NCOR2: variants seen among roughly 807,000 people sequenced by gnomAD.
NCOR2 encodes nuclear receptor corepressor 2.
In NCOR2, 81 loss-of-function variants were observed where a neutral mutation model predicts 262.9. That is an observed-to-expected ratio of 0.31 (90% confidence interval 0.26 to 0.37). The LOEUF is 0.37. Ranked by LOEUF, NCOR2 falls within the 10% of genes least tolerant of loss-of-function variation. The pLI, the probability that NCOR2 is intolerant of heterozygous loss-of-function variation, is 1.00. For missense variants in NCOR2, 3,385 were observed against 3,621.4 expected (o/e 0.93, Z 1.68); for synonymous variants, 1,659 against 1,559.3 (o/e 1.06, Z -1.51).
intron 13 of NCOR2, among the ~76,000 whole-genome samples, chr12:124,413,065 C>A (rs2042671670): frequency 6.6e-6 from 1 of 152,248 alleles, no homozygotes; most frequent in Non-Finnish European, 1.5e-5. Context: ...ACCCCCAGCC[C>A]ACAGGCTTCC....
At chr12:124,466,983 C>CTCG (rs2046451019) in intron 4 of NCOR2, among the ~76,000 whole-genome samples, 1 of 145,790 alleles carries the variant, frequency 6.9e-6, no homozygotes, top group African/African-American at 2.5e-5. Context: ...CCCCATCATC[C>CTCG]TCATCCTCAT....
At chr12:124,354,008 G>A in intron 27 of NCOR2, 85 bp downstream of exon 29, 1 of 1,242,180 alleles carries the variant, frequency 8.1e-7, no homozygotes, top group East Asian at 2.5e-5. Flanking sequence ...TGAGGCTAAT[G>A]GTTTGGTGAC....
intron 30 of NCOR2, 51 bp from the exon 33 acceptor site, chr12:124,346,901 C>T: frequency 1.4e-6 from 2 of 1,445,370 alleles, no homozygotes; most frequent in Non-Finnish European, 9.1e-7. Flanking sequence ...CCAGACCCAT[C>T]AAGAGCCTCC....
intron 1 of NCOR2, among the ~76,000 whole-genome samples, chr12:124,532,176 A>C (rs573005257): frequency 6.6e-6 from 1 of 152,224 alleles, no homozygotes; most frequent in African/African-American, 2.4e-5. Flanking sequence ...TAGTGCACGC[A>C]TAGCGAGTGT....
chr12:124,459,563 G>A (rs994297596), intron 5 of NCOR2, among the ~76,000 whole-genome samples: 2 of 152,114 alleles, frequency 1.3e-5, no homozygotes, highest in African/African-American at 4.8e-5. Flanking sequence ...TCTCCTGACT[G>A]AGTCTGGCCT....
intron 6 of NCOR2, among the ~76,000 whole-genome samples, chr12:124,455,567 G>A (rs746913811): frequency 1.1e-4 from 17 of 152,226 alleles, no homozygotes; most frequent in Admixed American, 2.6e-4. Flanking sequence ...CTCAAAAGAC[G>A]GACCCCGGGC....
At chr12:124,363,905 G>C in intron 20 of NCOR2, 106 bp from the exon 23 acceptor site, 1 of 987,164 alleles carries the variant, frequency 1.0e-6, no homozygotes, top group Non-Finnish European at 1.3e-6. Context: ...CCCTGGGGAC[G>C]AGGCTAAGGC....
chr12:124,360,867 T>G (rs1268892), intron 22 of NCOR2, among the ~76,000 whole-genome samples: 15,116 of 151,572 alleles, frequency 0.1, 1,634 homozygotes, highest in East Asian at 0.62. Flanking sequence ...GATGAACGAC[T>G]CTAAAACCAT....
intron 11 of NCOR2, among the ~76,000 whole-genome samples, chr12:124,425,414 A>AT (rs1326220952): frequency 1.3e-5 from 2 of 151,702 alleles, no homozygotes; most frequent in Non-Finnish European, 2.9e-5. Flanking sequence ...ACCTTATGAG[A>AT]TTTTTTTTGT....
intron 1 of NCOR2, among the ~76,000 whole-genome samples, chr12:124,565,389 G>T (rs1172942968): frequency 2.6e-5 from 4 of 152,150 alleles, no homozygotes; most frequent in Non-Finnish European, 5.9e-5. Context: ...CCGCGCTGCC[G>T]ACTCGCCAGT....
intron 1 of NCOR2, among the ~76,000 whole-genome samples, chr12:124,546,441 C>A (rs1249548573): frequency 1.3e-5 from 2 of 152,200 alleles, no homozygotes. Context: ...GTTTTTCTCA[C>A]TCTGTTATAC....
intron 1 of NCOR2, among the ~76,000 whole-genome samples, chr12:124,516,057 A>T (rs961822398): frequency 6.6e-6 from 1 of 152,198 alleles, no homozygotes; most frequent in Admixed American, 6.5e-5. Context: ...GACATGGATG[A>T]GAACCCCCCC....
intron 1 of NCOR2, among the ~76,000 whole-genome samples, chr12:124,551,423 T>C (rs1566052663): frequency 6.6e-6 from 1 of 152,132 alleles, no homozygotes; most frequent in Admixed American, 6.5e-5. Context: ...ACACAGAGGC[T>C]CGTGGAAAAG....
At chr12:124,388,729 A>C in intron 16 of NCOR2, 3 of 1,304,320 alleles carry the variant, frequency 2.3e-6, no homozygotes, top group African/African-American at 1.5e-5. Flanking sequence ...TTCCGGAAAC[A>C]TAGGGCTGGG....
chr12:124,333,919 CATGT>C (rs1176460797), intron 41 of NCOR2, among the ~76,000 whole-genome samples: 1 of 130,672 alleles, frequency 7.7e-6, no homozygotes, highest in African/African-American at 3.0e-5. Context: ...TGCGGGTGTG[CATGT>C]GTGTGCGCGC....
At chr12:124,527,021 G>A (rs2050507623) in intron 1 of NCOR2, among the ~76,000 whole-genome samples, 1 of 152,240 alleles carries the variant, frequency 6.6e-6, no homozygotes, top group African/African-American at 2.4e-5. Flanking sequence ...TTCAGCAAAT[G>A]GGCTTGCTTT....
chr12:124,492,718 A>G (rs887314628), intron 1 of NCOR2, among the ~76,000 whole-genome samples: 3 of 152,210 alleles, frequency 2.0e-5, no homozygotes, highest in African/African-American at 7.2e-5. Flanking sequence ...TTAAAAGGAC[A>G]GGAAGGGTTT....
intron 1 of NCOR2, among the ~76,000 whole-genome samples, chr12:124,550,243 C>T (rs2051674237): frequency 6.6e-6 from 1 of 152,182 alleles, no homozygotes; most frequent in African/African-American, 2.4e-5. Flanking sequence ...GTTGGGCACC[C>T]ACTGTGTGCA....
intron 1 of NCOR2, among the ~76,000 whole-genome samples, chr12:124,521,037 G>T (rs533902455): frequency 1.3e-5 from 2 of 152,226 alleles, no homozygotes; most frequent in African/African-American, 4.8e-5. Flanking sequence ...CTCAGCTGGC[G>T]AATGGGGGAG....
Sources: gnomAD v4.1 joint callset for allele counts (sites outside exome capture counted in the v4.1 genomes callset) on GRCh38, gnomAD v4.1.1 for gene constraint, MANE v1.5 for transcripts, NCBI Gene and HGNC (gene_info 2026-07-23, HGNC 2026-07-21) for gene names.